Variants in MAPK15 observed in about 807,000 individuals in gnomAD.
The protein encoded by MAPK15 is ERK-7.
Under a neutral mutation model 60.8 loss-of-function variants are expected in MAPK15, and 61 were observed. That is an observed-to-expected ratio of 1.00 (90% CI 0.82 to 1.24). The LOEUF (loss-of-function observed/expected upper bound fraction) is 1.24, where lower values mean the gene tolerates loss of function less well. Ranked by LOEUF, MAPK15 falls within the 50% of genes most tolerant of loss-of-function variation. MAPK15 has a pLI of 0.00. For synonymous variants in MAPK15, 356 were observed against 319.9 expected, an observed-to-expected ratio of 1.11 and a Z score of -1.21; for missense variants, 808 against 741.1, an observed-to-expected ratio of 1.09 and a Z score of -1.05.
rs200057119 is a variant in MAPK15, at chr8:143,721,386, C to T, written c.1179C>T (p.Ser393=). The stretch of plus-strand genomic sequence containing the variant: ...GTCCCAGACCCAGGCCCCAGAGCAG[C>T]CCAGGCCATGACCCTGCCGAGCACG... ...VQGPRPRPQS[S]PGHDPAEHES... Residue 393 remains serine (S), a synonymous_variant, in exon 11 of 14, where the codon AGC becomes AGT. Coordinates refer to ENST00000338033, the MANE Select transcript of MAPK15 (RefSeq NM_139021.3). The T allele has an allele frequency of 1.9e-6, 3 of 1,612,332 alleles. No homozygotes were observed. Among genetic ancestry groups the T allele is most frequent in the Non-Finnish European group, 2.5e-6 (3 of 1,179,336 alleles).
intron 10 of MAPK15, 47 bp from the exon 11 acceptor site, chr8:143,721,175 CCCCCAAACG>C: frequency 6.3e-7 from 1 of 1,591,918 alleles, no homozygotes. Context: ...ATGTCAGAGA[CCCCCAAACG>C]CCCCATGCCC....
rs1554619458 is a variant in MAPK15, at chr8:143,720,525, G to A, written c.780-178G>A. On this transcript the variant is annotated intron_variant, in intron 8 of 13. Transcript: ENST00000338033. This position sits in a 1 kb window ranked among gnomAD's most constrained non-coding sequence, Gnocchi z 4.6. Reference sequence around the variant, plus strand: ...GTGGAGAGGAGGGCACCAGGGGGCCGCAGGGGTCTCTCCACCCTGCAGGGG... The same window carrying A: ...GTGGAGAGGAGGGCACCAGGGGGCCACAGGGGTCTCTCCACCCTGCAGGGG... 6.9e-6 allele frequency: 10 copies of A among 1,454,472 alleles called. No individual in the cohort carries two copies. Among genetic ancestry groups the A allele is most frequent in the Middle Eastern group, 1.8e-4 (1 of 5,530 alleles). The allele number at this position is 1,454,472 out of a possible 1,614,324, so 90.1% of individuals were successfully genotyped here. A position where few individuals can be genotyped will look rare whatever the true frequency, so the allele number is the denominator to read the frequency against.
In MAPK15 at chr8:143,720,817, A is replaced by G. The variant is rs555989861; in HGVS notation, c.894A>G (p.Ala298=). The G allele has an allele frequency of 1.3e-4, 203 of 1,613,166 alleles. 1 individual carries two copies. In the East Asian group the frequency reaches 4.0e-3, roughly 32 times the overall value. Residue 298 remains alanine (A), a synonymous_variant, in exon 9 of 14, where the codon GCA becomes GCG. Transcript: ENST00000338033. The surrounding 1 kb of genome is among the most constrained non-coding windows in gnomAD (Gnocchi z 4.6). The part of the protein sequence containing the change: ...APDKRLSATQ[A]LQHPYVQRFH... The stretch of plus-strand genomic sequence containing the variant: ...ACAAGCGGTTAAGCGCGACCCAGGC[A>G]CTGCAGCACCCCTACGTGCAGAGGT...
chr8:143,716,467 C>G, intron 1 of MAPK15, 24 bp downstream of exon 1: 1 of 1,587,414 alleles, frequency 6.3e-7, no homozygotes, highest in Non-Finnish European at 8.5e-7. Flanking sequence ...GGTGCGTCCG[C>G]GCGCCGAGGG....
chr8:143,719,676 G>T (rs1467349021), intron 7 of MAPK15, among the ~76,000 whole-genome samples, 194 bp downstream of exon 7: 1 of 152,142 alleles, frequency 6.6e-6, no homozygotes, highest in Admixed American at 6.5e-5. Flanking sequence ...GGGGGTGGGT[G>T]TGGGCAAGGC....
rs1373230950 is a variant in MAPK15 at position 143,719,024 on chromosome 8, C to T, written c.449C>T (p.Thr150Ile). The T allele has an allele frequency of 2.4e-5, 39 of 1,605,822 alleles. No homozygotes were observed. Among genetic ancestry groups the T allele is most frequent in the African/African-American group, 4.0e-5 (3 of 74,678 alleles). ...AATGTGCTCCTGGATGCCAACTGCA[C>T]AGTGAAGCTGTGTGACTTTGGCCTG... is the stretch of plus-strand genomic sequence containing the variant. ...PSNVLLDANC[T>I]VKLCDFGLAR... is the part of the protein sequence containing the mutation. The change falls in exon 6 of 14, where the codon ACA becomes ATA. Residue 150 changes from threonine (T) to isoleucine (I), a missense_variant. Transcript: ENST00000338033.
At chr8:143,717,830 C>A in intron 2 of MAPK15, 38 bp downstream of exon 2, 1 of 1,577,514 alleles carries the variant, frequency 6.3e-7, no homozygotes, top group Non-Finnish European at 8.7e-7. Flanking sequence ...AGGATGGGGG[C>A]AGGGAGGGGC....
In MAPK15 at chr8:143,718,386, C is replaced by T. The variant is rs191590339; in HGVS notation, c.286+84C>T. On this transcript the variant is annotated intron_variant, in intron 4 of 13. Transcript: ENST00000338033. Reference sequence around the variant, plus strand: ...GCGGGTCCCTCTGCGTGTCCCCCTGCGTGTCCCTCTGCAGCTGGCCCACAG... The same window carrying T: ...GCGGGTCCCTCTGCGTGTCCCCCTGTGTGTCCCTCTGCAGCTGGCCCACAG... The T allele has an allele frequency of 1.7e-3, 2,078 of 1,205,844 alleles. 17 individuals carry two copies. The African/African-American group carries it at 0.02, about 12-fold the overall frequency. 74.7% of individuals were successfully genotyped at this position (1,205,844 alleles called of 1,614,324 possible).
Position 143,719,074 on chromosome 8 carries a change from G to A in MAPK15, c.499G>A (p.Glu167Lys), listed in dbSNP as rs147489825. ...GGCCCGCTCCCTGGGCGACCTCCCC[G>A]AGGGGCCTGAGGACCAGGCCGTGAC... Reference protein sequence around the residue: ...GLARSLGDLPEGPEDQAVTEY... With the variant: ...GLARSLGDLPKGPEDQAVTEY... The change falls in exon 6 of 14, where the codon GAG becomes AAG. Residue 167 changes from glutamate (E) to lysine (K), a missense_variant. By Grantham distance (56) the Glu-to-Lys change is moderately conservative. Coordinates refer to ENST00000338033, the MANE Select transcript of MAPK15 (RefSeq NM_139021.3). 193 of 1,573,062 alleles carry A rather than the reference G, an allele frequency of 1.2e-4. No homozygotes were observed. In the African/African-American group the frequency reaches 2.5e-3, roughly 20 times the overall value.
At position 143,720,426 on chromosome 8, in the gene MAPK15, A is replaced by G; in HGVS notation, c.779+139A>G. 6.9e-7 allele frequency: 1 copy of G among 1,448,862 alleles called. No individual in the cohort carries two copies. The highest frequency in any genetic ancestry group is 9.1e-7 in the Non-Finnish European group (1 of 1,097,604). The allele number at this position is 1,448,862 out of a possible 1,614,324, so 89.8% of individuals were successfully genotyped here. Reference sequence around the variant, plus strand: ...TCAAGATGGCAGTCCCAAACCCAACAACTGTTGGCCACACTGAAAGCAGGA... The same window carrying G: ...TCAAGATGGCAGTCCCAAACCCAACGACTGTTGGCCACACTGAAAGCAGGA... On this transcript the variant is annotated intron_variant, in intron 8 of 13. Coordinates refer to ENST00000338033, the MANE Select transcript of MAPK15 (RefSeq NM_139021.3). The surrounding 1 kb of genome is among the most constrained non-coding windows in gnomAD (Gnocchi z 4.6).
chr8:143,718,516 CCTG>C, intron 4 of MAPK15: 1 of 626,316 alleles, frequency 1.6e-6, no homozygotes. Context: ...GCCCCAGGCT[CCTG>C]CTCTGACCAC....
intron 4 of MAPK15, 49 bp from the exon 5 acceptor site, chr8:143,718,726 T>TTCCCCCCCCCCCCCCCC: frequency 2.4e-6 from 1 of 417,842 alleles, no homozygotes; most frequent in Non-Finnish European, 4.5e-6. Context: ...CCCCCCAGGT[T>TTCCCCCCCCCCCCCCCC]GCCCCCCCAG....
At chr8:143,719,543 G>C in intron 7 of MAPK15, 61 bp downstream of exon 7, 2 of 1,565,842 alleles carry the variant, frequency 1.3e-6, no homozygotes, top group Non-Finnish European at 1.7e-6. Context: ...CACAGCTGTG[G>C]GGAGACAGCA....
chr8:143,721,487 C>T, intron 11 of MAPK15, 62 bp from the exon 12 acceptor site: 2 of 1,612,510 alleles, frequency 1.2e-6, no homozygotes, highest in Non-Finnish European at 1.7e-6. Flanking sequence ...CTATGCGCAG[C>T]ATTCGGTTCC....
At position 143,720,496 on chromosome 8, in the gene MAPK15, G is replaced by A; in HGVS notation, c.780-207G>A. 1 of 1,451,024 alleles carries A rather than the reference G, an allele frequency of 6.9e-7. No homozygotes were observed. Among genetic ancestry groups the A allele is most frequent in the South Asian group, 1.5e-5 (1 of 67,996 alleles). 89.9% of individuals were successfully genotyped at this position (1,451,024 alleles called of 1,614,324 possible). ...AGGGTGGCCCAGAGGAGCTGTGCCA[G>A]GGCGTGGAGAGGAGGGCACCAGGGG... is the stretch of plus-strand genomic sequence containing the variant. On this transcript the variant is annotated intron_variant, in intron 8 of 13. Coordinates refer to ENST00000338033, the MANE Select transcript of MAPK15 (RefSeq NM_139021.3). The surrounding 1 kb of genome is among the most constrained non-coding windows in gnomAD (Gnocchi z 4.6).
rs1275833721 is a variant in MAPK15 at position 143,721,678 on chromosome 8, G to A, written c.1329+5G>A. 6.2e-7 allele frequency: 1 copy of A among 1,609,810 alleles called. No homozygotes were observed. Among genetic ancestry groups the A allele is most frequent in the African/African-American group, 1.3e-5 (1 of 74,860 alleles). On this transcript the variant is annotated splice_donor_5th_base_variant and intron_variant, in intron 12 of 13. Coordinates refer to ENST00000338033, the MANE Select transcript of MAPK15 (RefSeq NM_139021.3). ...CCCCCCTTGACACTCTCGCTGGTAA[G>A]TCATGGTGGGGCGGGCACAGGAGGG...
rs782188245 is a variant in MAPK15 at position 143,722,271 on chromosome 8, C to T, written c.*20C>T. On this transcript the variant is annotated 3_prime_UTR_variant, in exon 14 of 14. Transcript: ENST00000338033. The stretch of plus-strand genomic sequence containing the variant: ...GTGTGAGCCGCCCTACTCCCTTCAC[C>T]TGGCCCTCTGTTCCTGCCCCAGCCC... 3.4e-5 allele frequency: 53 copies of T among 1,536,526 alleles called. No individual in the cohort carries two copies. The highest frequency in any genetic ancestry group is 3.8e-5 in the Admixed American group (2 of 51,958).
At chr8:143,717,310 C>T (rs56794669) in intron 1 of MAPK15, among the ~76,000 whole-genome samples, 8 of 151,936 alleles carry the variant, frequency 5.3e-5, no homozygotes, top group African/African-American at 1.9e-4. Flanking sequence ...CAGAAGAGAC[C>T]GTGGCAGGGG....
chr8:143,717,281 G>T (rs931648900), intron 1 of MAPK15, among the ~76,000 whole-genome samples: 2 of 152,202 alleles, frequency 1.3e-5, no homozygotes, highest in Non-Finnish European at 2.9e-5. Flanking sequence ...GATGCCAGAG[G>T]CTGGGACCAG....
Sources: allele counts gnomAD v4.1 joint callset (sites outside exome capture counted in the v4.1 genomes callset), GRCh38; gene constraint gnomAD v4.1.1; non-coding constraint Gnocchi (gnomAD v3.1); transcripts MANE v1.5; gene names NCBI Gene and HGNC (gene_info 2026-07-23, HGNC 2026-07-21).